ALK: variants seen among roughly 807,000 people sequenced by gnomAD.
ALK encodes the protein ALK receptor tyrosine kinase.
A neutral mutation model predicts 163.1 loss-of-function variants in ALK; 74 were observed. That is an observed-to-expected ratio of 0.45 (90% CI 0.38 to 0.55). ALK has a LOEUF of 0.55. Ranked by LOEUF, ALK falls within the 20% of genes least tolerant of loss-of-function variation. The pLI, the probability that ALK is intolerant of heterozygous loss-of-function variation, is 0.00. For missense variants in ALK, 2,063 were observed against 2,105.3 expected (o/e 0.98, Z 0.39); for synonymous variants, 960 against 843.2 (o/e 1.14, Z -2.40).
intron 3 of ALK, among the ~76,000 whole-genome samples, chr2:29,573,601 C>A (rs1468088108): frequency 6.6e-6 from 1 of 152,200 alleles, no homozygotes; most frequent in Admixed American, 6.5e-5. Context: ...GGAACACCGT[C>A]AGGCCCATTC....
At chr2:29,699,350 C>T (rs910674389) in intron 2 of ALK, among the ~76,000 whole-genome samples, 1 of 152,138 alleles carries the variant, frequency 6.6e-6, no homozygotes, top group Non-Finnish European at 1.5e-5. Flanking sequence ...TTCTTCTTCT[C>T]TCTATAGGTG....
intron 3 of ALK, among the ~76,000 whole-genome samples, chr2:29,562,805 G>A (rs1165723411): frequency 6.6e-6 from 1 of 152,184 alleles, no homozygotes; most frequent in African/African-American, 2.4e-5. Flanking sequence ...CTTCTGTCAA[G>A]TGCTCCAGTG....
At chr2:29,216,118 G>A (rs574682752) in intron 23 of ALK, among the ~76,000 whole-genome samples, 21 of 152,266 alleles carry the variant, frequency 1.4e-4, no homozygotes, top group African/African-American at 4.6e-4. Context: ...CAGCACTCAT[G>A]CCTGCATCAT....
intron 12 of ALK, among the ~76,000 whole-genome samples, chr2:29,248,477 C>G (rs1358102881): frequency 6.6e-6 from 1 of 152,188 alleles, no homozygotes; most frequent in Admixed American, 6.5e-5. Flanking sequence ...ACAGCAGTGA[C>G]AAAAACCCCA....
At chr2:29,541,002 T>C (rs1673398150) in intron 3 of ALK, among the ~76,000 whole-genome samples, 2 of 152,282 alleles carry the variant, frequency 1.3e-5, no homozygotes, top group South Asian at 4.1e-4. Context: ...AAGTAGTTTA[T>C]AGACTATTCC....
chr2:29,739,358 G>C (rs889821923), intron 1 of ALK, among the ~76,000 whole-genome samples: 9 of 148,926 alleles, frequency 6.0e-5, no homozygotes, highest in Non-Finnish European at 1.2e-4. Flanking sequence ...AAGAAATTGA[G>C]ACCATCCTGG....
intron 1 of ALK, among the ~76,000 whole-genome samples, chr2:29,771,055 A>G (rs538798638): frequency 6.6e-6 from 1 of 152,300 alleles, no homozygotes; most frequent in Admixed American, 6.5e-5. Flanking sequence ...ACACATACAC[A>G]GACAAGCATT....
intron 4 of ALK, among the ~76,000 whole-genome samples, chr2:29,390,916 C>T (rs1368383547): frequency 6.6e-6 from 1 of 152,134 alleles, no homozygotes; most frequent in Non-Finnish European, 1.5e-5. Context: ...CATACTTTCC[C>T]ACAAGTTAGA....
intron 8 of ALK, among the ~76,000 whole-genome samples, chr2:29,310,711 C>T (rs1222139335): frequency 6.6e-6 from 1 of 152,224 alleles, no homozygotes; most frequent in African/African-American, 2.4e-5. Context: ...TGTGGACCCT[C>T]AGTGTCCCTC....
intron 1 of ALK, among the ~76,000 whole-genome samples, chr2:29,722,758 G>T (rs1679457492): frequency 6.6e-6 from 1 of 152,100 alleles, no homozygotes; most frequent in Non-Finnish European, 1.5e-5. Context: ...CCAACTGCCT[G>T]CTCAAAATCT....
chr2:29,500,359 T>C (rs1672140583), intron 4 of ALK, among the ~76,000 whole-genome samples: 1 of 152,172 alleles, frequency 6.6e-6, no homozygotes, highest in Non-Finnish European at 1.5e-5. Flanking sequence ...TGCTCCACCG[T>C]GTAAGATGCC....
In ALK at chr2:29,787,054, C is replaced by T. The variant is rs146456948; in HGVS notation, c.668-69357G>A. Among the ~76,000 whole-genome samples, 44 of 152,244 alleles carry T rather than the reference C, an allele frequency of 2.9e-4. 1 individual carries two copies. The highest frequency in any genetic ancestry group is 9.6e-4 in the African/African-American group (40 of 41,536). On this transcript the variant is annotated intron_variant, in intron 1 of 28. Coordinates refer to ENST00000389048, the MANE Select transcript of ALK (RefSeq NM_004304.5). ...TCGTGATCTGCCCGCCTTGGCCTCC[C>T]AAAGTGCTGGGATTACAGGCATGAG...
At chr2:29,632,154 C>G (rs1173540275) in intron 3 of ALK, among the ~76,000 whole-genome samples, 1 of 152,158 alleles carries the variant, frequency 6.6e-6, no homozygotes, top group Non-Finnish European at 1.5e-5. Context: ...AGAGGGCATG[C>G]CTACGTGCTG....
chr2:29,284,852 C>G (rs113777124), intron 9 of ALK, among the ~76,000 whole-genome samples: 1 of 152,162 alleles, frequency 6.6e-6, no homozygotes, highest in Non-Finnish European at 1.5e-5. Flanking sequence ...GCTGAGCCAC[C>G]GGCCGCATCT....
chr2:29,245,502 C>T (rs1664643275), intron 12 of ALK, among the ~76,000 whole-genome samples: 2 of 146,402 alleles, frequency 1.4e-5, no homozygotes, highest in South Asian at 2.2e-4. Flanking sequence ...CTTTATGACT[C>T]AGTGCCCTGC....
chr2:29,485,826 G>T (rs1283163718), intron 4 of ALK, among the ~76,000 whole-genome samples: 1 of 152,120 alleles, frequency 6.6e-6, no homozygotes, highest in Non-Finnish European at 1.5e-5. Flanking sequence ...TTGTTCCTAG[G>T]ACTGCAACTT....
chr2:29,743,001 G>A (rs1456738287), intron 1 of ALK, among the ~76,000 whole-genome samples: 1 of 152,132 alleles, frequency 6.6e-6, no homozygotes, highest in East Asian at 1.9e-4. Context: ...CTAGGCAATA[G>A]ACAAGAAAAA....
At chr2:29,196,929 C>G (rs2148142188) in intron 27 of ALK, 69 bp from the exon 28 acceptor site, 3 of 1,365,618 alleles carry the variant, frequency 2.2e-6, no homozygotes, top group Non-Finnish European at 3.1e-6. Context: ...TTCTTCCAGC[C>G]CCAGGGTTGC....
rs189834763 is a variant in ALK, at chr2:29,717,504, A to C, written c.787+74T>G. On this transcript the variant is annotated intron_variant, in intron 2 of 28. Coordinates refer to ENST00000389048, the MANE Select transcript of ALK (RefSeq NM_004304.5). ...AATGCCCTGGAGCACTATGAATCCC[A>C]AACTGAAACTCACAGAGTCCTTATT... 25 of 1,585,818 alleles carry C rather than the reference A, an allele frequency of 1.6e-5. No individual in the cohort carries two copies. The East Asian group carries it at 5.2e-4, about 33-fold the overall frequency.
Sources: gnomAD v4.1 joint callset for allele counts (sites outside exome capture counted in the v4.1 genomes callset) on GRCh38, gnomAD v4.1.1 for gene constraint, MANE v1.5 for transcripts, NCBI Gene and HGNC (gene_info 2026-07-23, HGNC 2026-07-21) for gene names.